CERS6: variants seen among roughly 807,000 people sequenced by gnomAD.
CERS6 encodes LAG1 homolog, ceramide synthase 6.
CERS6 carries 26 observed loss-of-function variants against 56.8 expected under a neutral mutation model. The ratio of observed to expected loss-of-function variants is 0.46; its 90% CI spans 0.34 to 0.63. The LOEUF (loss-of-function observed/expected upper bound fraction) is 0.63. Ranked by LOEUF, CERS6 falls within the 30% of genes least tolerant of loss-of-function variation. CERS6 has a pLI of 0.01. For missense variants in CERS6, 415 were observed against 467.5 expected (o/e 0.89, Z 1.04); for synonymous variants, 164 against 173.3 (o/e 0.95, Z 0.42).
chr2:168,652,797 A>G (rs1685378245), intron 4 of CERS6, among the ~76,000 whole-genome samples: 1 of 152,160 alleles, frequency 6.6e-6, no homozygotes, highest in African/African-American at 2.4e-5. Context: ...AAAAAAAATC[A>G]CGATCTTCCT....
rs148330622 is a variant in CERS6, at chr2:168,702,449, G to A, written c.609+7398G>A. 2.2e-3 allele frequency among the ~76,000 whole-genome samples: 336 copies of A among 152,270 alleles called. 2 individuals carry two copies. The highest frequency in any genetic ancestry group is 7.6e-3 in the African/African-American group (316 of 41,548). ...AAGAAAGCAACTGACATTATTTGTG[G>A]TCAGTGATAAAACTCAAGCTTTCAA... On this transcript the variant is annotated intron_variant, in intron 6 of 9. Transcript: ENST00000305747.
chr2:168,668,067 G>T (rs1685810019), intron 4 of CERS6, among the ~76,000 whole-genome samples: 1 of 152,188 alleles, frequency 6.6e-6, no homozygotes. Context: ...ATCATGATAA[G>T]GAGCCCGGGC....
chr2:168,710,296 T>C (rs1424674020), intron 6 of CERS6, among the ~76,000 whole-genome samples: 1 of 152,240 alleles, frequency 6.6e-6, no homozygotes, highest in Non-Finnish European at 1.5e-5. Context: ...TTATATTTAT[T>C]CATTTTAAAA....
chr2:168,461,430 A>C (rs1399813474), intron 1 of CERS6, among the ~76,000 whole-genome samples: 1 of 145,230 alleles, frequency 6.9e-6, no homozygotes, highest in Admixed American at 7.0e-5. Flanking sequence ...ACTACACTCT[A>C]GCCTGGGCAA....
chr2:168,733,503 C>T (rs1683614105), intron 8 of CERS6, among the ~76,000 whole-genome samples: 1 of 152,202 alleles, frequency 6.6e-6, no homozygotes, highest in Non-Finnish European at 1.5e-5. Flanking sequence ...ATTGCTTCTA[C>T]ATCTGAAAAC....
chr2:168,635,779 G>T (rs1327760178), intron 4 of CERS6, among the ~76,000 whole-genome samples: 2 of 152,136 alleles, frequency 1.3e-5, no homozygotes, highest in Admixed American at 1.3e-4. Context: ...CACTCCCTTA[G>T]ACTTTCTGAA....
At chr2:168,768,904 C>CAAA (rs765504573) in intron 9 of CERS6, among the ~76,000 whole-genome samples, 7 of 59,388 alleles carry the variant, frequency 1.2e-4, no homozygotes, top group African/African-American at 2.3e-4. Flanking sequence ...GACTCTGACT[C>CAAA]AAAAAAAAAA....
At chr2:168,548,419 C>T (rs886605099) in intron 2 of CERS6, among the ~76,000 whole-genome samples, 1 of 152,160 alleles carries the variant, frequency 6.6e-6, no homozygotes, top group Non-Finnish European at 1.5e-5. Context: ...AGCTGGAAGT[C>T]AGAAACCCTC....
chr2:168,581,418 T>G (rs1023770966), intron 3 of CERS6, among the ~76,000 whole-genome samples: 1 of 152,196 alleles, frequency 6.6e-6, no homozygotes, highest in African/African-American at 2.4e-5. Flanking sequence ...GTAATTACAG[T>G]TAAATGTATT....
chr2:168,514,735 G>A (rs1694856218), intron 1 of CERS6, among the ~76,000 whole-genome samples: 1 of 152,198 alleles, frequency 6.6e-6, no homozygotes. Context: ...GGAGCAATGA[G>A]CAGTAGAAAG....
chr2:168,532,440 A>G (rs932992716), intron 1 of CERS6, among the ~76,000 whole-genome samples: 1 of 151,876 alleles, frequency 6.6e-6, no homozygotes, highest in Non-Finnish European at 1.5e-5. Flanking sequence ...GCATAGTTTC[A>G]TGTCTTTTGG....
chr2:168,625,219 C>T (rs983214655), intron 3 of CERS6, among the ~76,000 whole-genome samples: 2 of 152,116 alleles, frequency 1.3e-5, no homozygotes, highest in Non-Finnish European at 2.9e-5. Flanking sequence ...TGTTTTGGTG[C>T]TCTAGCAATG....
At chr2:168,541,418 T>G (rs1695367665) in intron 1 of CERS6, among the ~76,000 whole-genome samples, 1 of 152,230 alleles carries the variant, frequency 6.6e-6, no homozygotes, top group South Asian at 2.1e-4. Flanking sequence ...TACCCACATG[T>G]TAGATTTTGA....
chr2:168,658,288 G>A (rs146106201), intron 4 of CERS6, among the ~76,000 whole-genome samples: 137 of 152,286 alleles, frequency 9.0e-4, no homozygotes, highest in African/African-American at 3.1e-3. Flanking sequence ...TAGGGTCCTT[G>A]ACGAGATCCC....
intron 1 of CERS6, among the ~76,000 whole-genome samples, chr2:168,535,765 G>A (rs775669117): frequency 1.6e-4 from 22 of 136,066 alleles, no homozygotes; most frequent in Non-Finnish European, 2.3e-4. Flanking sequence ...TTTATATCTC[G>A]TGTGCATTTT....
intron 1 of CERS6, among the ~76,000 whole-genome samples, chr2:168,544,951 A>C (rs1240525572): frequency 6.6e-6 from 1 of 151,742 alleles, no homozygotes; most frequent in Non-Finnish European, 1.5e-5. Context: ...GGCTTGTTTC[A>C]GTGTAGCTGA....
At chr2:168,691,194 G>T in intron 5 of CERS6, 110 bp downstream of exon 5, 1 of 907,072 alleles carries the variant, frequency 1.1e-6, no homozygotes, top group Admixed American at 1.8e-5. Flanking sequence ...TTCATTTTTG[G>T]CCCCACTCCC....
chr2:168,534,515 A>G (rs1358395603), intron 1 of CERS6, among the ~76,000 whole-genome samples: 1 of 150,572 alleles, frequency 6.6e-6, no homozygotes. Flanking sequence ...CTGGGGGTTC[A>G]TTTCAGGCCC....
intron 1 of CERS6, among the ~76,000 whole-genome samples, chr2:168,498,527 A>G (rs2105343369): frequency 6.6e-6 from 1 of 152,314 alleles, no homozygotes; most frequent in Middle Eastern, 3.4e-3. Flanking sequence ...GGGAGCTATG[A>G]ATATTCACGA....
Sources: allele counts gnomAD v4.1 joint callset (sites outside exome capture counted in the v4.1 genomes callset), GRCh38; gene constraint gnomAD v4.1.1; transcripts MANE v1.5; gene names NCBI Gene and HGNC (gene_info 2026-07-23, HGNC 2026-07-21).